MOSMO: variants seen among roughly 807,000 people sequenced by gnomAD.
MOSMO encodes modulator of smoothened protein.
In MOSMO, 5 loss-of-function variants were observed where a neutral mutation model predicts 18.4. The ratio of observed to expected loss-of-function variants is 0.27; its 90% CI spans 0.14 to 0.57. The LOEUF (loss-of-function observed/expected upper bound fraction) is 0.57, where lower values mean the gene tolerates loss of function less well. Ranked by LOEUF, MOSMO falls within the 20% of genes least tolerant of loss-of-function variation. MOSMO has a pLI of 0.92. For synonymous variants in MOSMO, 82 were observed against 82.3 expected (o/e 1.00, Z 0.02); for missense variants, 138 against 211.8 (o/e 0.65, Z 2.16).
At chr16:22,073,427 G>A (rs1382082832) in intron 1 of MOSMO, among the ~76,000 whole-genome samples, 1 of 152,102 alleles carries the variant, frequency 6.6e-6, no homozygotes, top group African/African-American at 2.4e-5. Context: ...ATTTGTTAAC[G>A]GTCTTTTGCT....
intron 2 of MOSMO, 166 bp downstream of exon 2, chr16:22,075,865 C>T (rs12921972): frequency 3.2e-5 from 18 of 567,146 alleles, no homozygotes; most frequent in Non-Finnish European, 5.1e-5. Flanking sequence ...TTCTTCAAAA[C>T]TCTTTCTGCA....
In MOSMO at chr16:22,075,532, G is replaced by T; in HGVS notation, c.152G>T (p.Gly51Val). The change falls in exon 2 of 3, where the codon GGA becomes GTA. Residue 51 changes from glycine to valine, a missense_variant. Coordinates refer to ENST00000542527, the MANE Select transcript of MOSMO (RefSeq NM_001164579.2). ...GTGCGACAGTGTCAAACAATCCATG[G>T]ACGAGACCGGACGTGCATCCCTCCC... Reference protein sequence around the residue: ...GLVRQCQTIHGRDRTCIPPRL... With the variant: ...GLVRQCQTIHVRDRTCIPPRL... 1 of 1,537,320 alleles carries T rather than the reference G, an allele frequency of 6.5e-7. No homozygotes were observed. The highest frequency in any genetic ancestry group is 8.7e-7 in the Non-Finnish European group (1 of 1,146,926).
intron 1 of MOSMO, among the ~76,000 whole-genome samples, chr16:22,029,795 T>C (rs1287001893): frequency 2.0e-5 from 3 of 152,092 alleles, no homozygotes; most frequent in Non-Finnish European, 2.9e-5. Context: ...GCCCAGCTAA[T>C]TATTTTGCTT....
chr16:22,036,038 C>T (rs932129373), intron 1 of MOSMO, among the ~76,000 whole-genome samples: 4 of 152,068 alleles, frequency 2.6e-5, no homozygotes, highest in Non-Finnish European at 4.4e-5. Flanking sequence ...TTTGTTTTTG[C>T]GCTTAATTGC....
At chr16:22,052,264 C>T (rs1311675226) in intron 1 of MOSMO, among the ~76,000 whole-genome samples, 1 of 151,934 alleles carries the variant, frequency 6.6e-6, no homozygotes, top group East Asian at 1.9e-4. Flanking sequence ...ACTATGAAGC[C>T]CTTTAGACAG....
intron 1 of MOSMO, among the ~76,000 whole-genome samples, chr16:22,046,600 T>C (rs1900313808): frequency 6.6e-6 from 1 of 152,220 alleles, no homozygotes; most frequent in South Asian, 2.1e-4. Context: ...GGGAAAATCC[T>C]TCTTGCACTT....
intron 1 of MOSMO, 40 bp from the exon 2 acceptor site, chr16:22,075,447 C>T: frequency 7.8e-7 from 1 of 1,284,416 alleles, no homozygotes; most frequent in Non-Finnish European, 1.0e-6. Flanking sequence ...CTGGACAGGC[C>T]AAACCCACTA....
intron 1 of MOSMO, among the ~76,000 whole-genome samples, chr16:22,025,151 T>TAA (rs200351979): frequency 1.5e-5 from 2 of 133,178 alleles, no homozygotes. Context: ...AGACTCTGTC[T>TAA]AAAAAAAAAA....
intron 2 of MOSMO, among the ~76,000 whole-genome samples, chr16:22,079,138 T>C (rs781175576): frequency 3.3e-5 from 5 of 152,192 alleles, no homozygotes; most frequent in African/African-American, 4.8e-5. Flanking sequence ...TAATTGACTT[T>C]TTTAAAACTC....
chr16:22,008,218 G>A lies in MOSMO; in HGVS notation c.-84G>A, dbSNP rs1597990145. The stretch of plus-strand genomic sequence containing the variant: ...GCGAGGCAGCGGCGCGGGGACTCCG[G>A]GCCCCGGCGGCGGCCCATGGGGCGG... On this transcript the variant is annotated 5_prime_UTR_variant, in exon 1 of 3. Transcript: ENST00000542527. 4.3e-6 allele frequency: 3 copies of A among 705,228 alleles called. No individual in the cohort carries two copies. The South Asian group carries it at 8.0e-5, about 19-fold the overall frequency. The allele number at this position is 705,228 out of a possible 1,614,324, so 43.7% of individuals were successfully genotyped here. A position where few individuals can be genotyped will look rare whatever the true frequency, so the allele number is the denominator to read the frequency against.
chr16:22,033,281 G>A (rs1396287667), intron 1 of MOSMO, among the ~76,000 whole-genome samples: 1 of 152,182 alleles, frequency 6.6e-6, no homozygotes, highest in African/African-American at 2.4e-5. Flanking sequence ...GATCAACTTG[G>A]AAGTATCGTC....
intron 1 of MOSMO, among the ~76,000 whole-genome samples, chr16:22,031,936 T>G (rs1900002143): frequency 6.6e-6 from 1 of 152,170 alleles, no homozygotes; most frequent in Non-Finnish European, 1.5e-5. Flanking sequence ...TATCAGACTG[T>G]TTTCCAAAGT....
At chr16:22,024,702 A>C (rs1038725797) in intron 1 of MOSMO, among the ~76,000 whole-genome samples, 54 of 152,154 alleles carry the variant, frequency 3.5e-4, no homozygotes, top group African/African-American at 1.3e-3. Flanking sequence ...ATGATACAAT[A>C]ATTTTCTTAA....
intron 1 of MOSMO, among the ~76,000 whole-genome samples, chr16:22,039,699 C>T (rs9926365): frequency 2.0e-5 from 3 of 152,128 alleles, no homozygotes; most frequent in African/African-American, 7.2e-5. Flanking sequence ...CAGGAGATAA[C>T]ATAAAAGTGG....
intron 1 of MOSMO, among the ~76,000 whole-genome samples, chr16:22,015,319 A>G (rs1167772377): frequency 6.6e-6 from 1 of 152,150 alleles, no homozygotes; most frequent in East Asian, 1.9e-4. Flanking sequence ...GGATCAAGCA[A>G]TCCTCCAGCC....
chr16:22,066,200 C>T (rs924155937), intron 1 of MOSMO, among the ~76,000 whole-genome samples: 2 of 152,088 alleles, frequency 1.3e-5, no homozygotes, highest in African/African-American at 4.8e-5. Context: ...TGGCAGCTCA[C>T]TGAAAATTTC....
intron 1 of MOSMO, among the ~76,000 whole-genome samples, chr16:22,075,122 C>T (rs948356287): frequency 6.6e-6 from 1 of 152,102 alleles, no homozygotes; most frequent in Non-Finnish European, 1.5e-5. Context: ...AATACCAGTT[C>T]TTTCTGCCAG....
chr16:22,024,835 G>T (rs528697048), intron 1 of MOSMO, among the ~76,000 whole-genome samples: 1 of 152,224 alleles, frequency 6.6e-6, no homozygotes, highest in South Asian at 2.1e-4. Flanking sequence ...AGGACAGACT[G>T]TAGAGCCTAG....
At chr16:22,033,843 C>T (rs1900047984) in intron 1 of MOSMO, among the ~76,000 whole-genome samples, 1 of 151,908 alleles carries the variant, frequency 6.6e-6, no homozygotes, top group Admixed American at 6.6e-5. Flanking sequence ...AAATAAAAAA[C>T]ATGCTCACAA....
Sources: gnomAD v4.1 joint callset for allele counts (sites outside exome capture counted in the v4.1 genomes callset) on GRCh38, gnomAD v4.1.1 for gene constraint, MANE v1.5 for transcripts, NCBI Gene and HGNC (gene_info 2026-07-23, HGNC 2026-07-21) for gene names.